Variants in IL1RL2 observed in about 807,000 individuals in gnomAD.
IL1RL2 encodes the protein interleukin-1 receptor-like 2.
Under a neutral mutation model 66.8 loss-of-function variants are expected in IL1RL2, and 68 were observed. The ratio of observed to expected loss-of-function variants is 1.02; its 90% CI spans 0.84 to 1.25. The LOEUF (loss-of-function observed/expected upper bound fraction) is 1.25, where lower values mean the gene tolerates loss of function less well. Ranked by LOEUF, IL1RL2 falls within the 50% of genes most tolerant of loss-of-function variation. IL1RL2 has a pLI of 0.00. For synonymous variants in IL1RL2, 305 were observed against 264.6 expected, an observed-to-expected ratio of 1.15 and a Z score of -1.48; for missense variants, 729 against 709.3, an observed-to-expected ratio of 1.03 and a Z score of -0.32.
At chr2:102,195,900 A>G (rs1687743924) in intron 4 of IL1RL2, among the ~76,000 whole-genome samples, 1 of 151,472 alleles carries the variant, frequency 6.6e-6, no homozygotes, top group South Asian at 2.1e-4. Flanking sequence ...TTTTTACTAG[A>G]GACAGGATTT....
rs756047853 is a variant in IL1RL2, at chr2:102,187,945, C to T, written c.58+20C>T. 1.2e-6 allele frequency: 2 copies of T among 1,611,550 alleles called. No individual in the cohort carries two copies. The highest frequency in any genetic ancestry group is 3.3e-5 in the Admixed American group (2 of 60,024). On this transcript the variant is annotated intron_variant, in intron 2 of 11. Coordinates refer to ENST00000264257, the MANE Select transcript of IL1RL2 (RefSeq NM_003854.4). ...CAGCAGGTACGTTCCGTGTGTCCTC[C>T]GTTCCCAGAGGCTGCCCGAGTCCAC...
intron 4 of IL1RL2, among the ~76,000 whole-genome samples, chr2:102,195,622 TTTCTTTCTCTCTCTCTCTCTCTC>T (rs1687666370): frequency 1.3e-4 from 2 of 15,942 alleles, no homozygotes; most frequent in Admixed American, 5.6e-4. Context: ...TCTTTCTTTC[TTTCTTTCTCTCTCTCTCTCTCTC>T]TCTTTCTTTC....
At chr2:102,201,838 G>A in intron 5 of IL1RL2, 123 bp downstream of exon 5, 1 of 877,522 alleles carries the variant, frequency 1.1e-6, no homozygotes, top group Non-Finnish European at 1.7e-6. Flanking sequence ...CTGAAGGCTA[G>A]TAGGCTCTCA....
At chr2:102,232,656 G>A (rs567879706) in intron 9 of IL1RL2, among the ~76,000 whole-genome samples, 11 of 152,270 alleles carry the variant, frequency 7.2e-5, no homozygotes, top group East Asian at 3.9e-4. Flanking sequence ...CACATCACAG[G>A]GAGTGGTGGA....
At chr2:102,204,328 G>A (rs1688521136) in intron 5 of IL1RL2, among the ~76,000 whole-genome samples, 2 of 152,112 alleles carry the variant, frequency 1.3e-5, no homozygotes, top group Admixed American at 6.5e-5. Context: ...AATGATCCAT[G>A]TGCTAAGGAA....
chr2:102,226,172 C>A, intron 9 of IL1RL2, 131 bp downstream of exon 9: 1 of 659,696 alleles, frequency 1.5e-6, no homozygotes, highest in Non-Finnish European at 2.4e-6. Context: ...CTCCTTGGAA[C>A]TGCCTGTGCT....
At chr2:102,219,627 G>GGAAAGGCC (rs1689921006) in intron 7 of IL1RL2, among the ~76,000 whole-genome samples, 1 of 152,136 alleles carries the variant, frequency 6.6e-6, no homozygotes, top group Non-Finnish European at 1.5e-5. Flanking sequence ...GAGGAATAGG[G>GGAAAGGCC]GAAAGGCCTT....
intron 10 of IL1RL2, among the ~76,000 whole-genome samples, chr2:102,233,725 T>C (rs1160119364): frequency 1.3e-5 from 2 of 152,138 alleles, no homozygotes; most frequent in African/African-American, 4.8e-5. Context: ...ATGAGAGAAC[T>C]GAATGAGAAA....
chr2:102,195,637 CTCTCTCTCTCTTTCTTTCTTTCTT>C (rs1687683272), intron 4 of IL1RL2, among the ~76,000 whole-genome samples: 6 of 30,354 alleles, frequency 2.0e-4, no homozygotes, highest in African/African-American at 4.9e-4. Flanking sequence ...TTCTCTCTCT[CTCTCTCTCTCTTTCTTTCTTTCTT>C]TCTTTCTTTC....
In IL1RL2 at chr2:102,201,740, C is replaced by T. The variant is rs369721985; in HGVS notation, c.649+25C>T. On this transcript the variant is annotated intron_variant, in intron 5 of 11. Coordinates refer to ENST00000264257, the MANE Select transcript of IL1RL2 (RefSeq NM_003854.4). ...AGTAAGTATGCTCATGTATGCCTGT[C>T]GCCTTGTATTCTCTTGGCTTTGTGT... The T allele has an allele frequency of 9.2e-5, 148 of 1,603,966 alleles. 2 individuals carry two copies. The South Asian group carries it at 1.2e-3, about 13-fold the overall frequency.
At chr2:102,211,181 G>T (rs1689138503) in intron 5 of IL1RL2, among the ~76,000 whole-genome samples, 1 of 152,068 alleles carries the variant, frequency 6.6e-6, no homozygotes, top group African/African-American at 2.4e-5. Flanking sequence ...CATCATAAAA[G>T]ATATGTATTT....
chr2:102,210,020 G>A (rs1275843860), intron 5 of IL1RL2, among the ~76,000 whole-genome samples: 1 of 149,546 alleles, frequency 6.7e-6, no homozygotes, highest in African/African-American at 2.4e-5. Context: ...CTAATAAGAT[G>A]TGTAATTATA....
chr2:102,199,654 T>C (rs1688069213), intron 4 of IL1RL2, among the ~76,000 whole-genome samples: 1 of 152,210 alleles, frequency 6.6e-6, no homozygotes, highest in Non-Finnish European at 1.5e-5. Flanking sequence ...GTCTAAGTTA[T>C]AGCAAAGCGA....
At chr2:102,228,671 TAG>T (rs3836111) in intron 9 of IL1RL2, among the ~76,000 whole-genome samples, 29,547 of 152,080 alleles carry the variant, frequency 0.19, 3,524 homozygotes, top group Admixed American at 0.31. Flanking sequence ...GCCAAACAGT[TAG>T]AGTGATCAAA....
intron 1 of IL1RL2, chr2:102,187,391 G>A: frequency 8.7e-7 from 1 of 1,146,998 alleles, no homozygotes; most frequent in East Asian, 6.3e-5. Flanking sequence ...TGGGGTTTCT[G>A]TTTAGACCGC....
At chr2:102,225,598 G>A (rs1221524092) in intron 8 of IL1RL2, among the ~76,000 whole-genome samples, 4 of 152,162 alleles carry the variant, frequency 2.6e-5, no homozygotes, top group Non-Finnish European at 5.9e-5. Flanking sequence ...TTTGAAAGCA[G>A]TTCTCGTCCA....
chr2:102,210,855 G>A (rs2104797889), intron 5 of IL1RL2, among the ~76,000 whole-genome samples: 1 of 152,312 alleles, frequency 6.6e-6, no homozygotes, highest in East Asian at 1.9e-4. Context: ...AAGGACTGGA[G>A]ACATGACCTT....
intron 8 of IL1RL2, among the ~76,000 whole-genome samples, chr2:102,223,423 A>T (rs532026812): frequency 2.6e-5 from 4 of 152,288 alleles, no homozygotes; most frequent in Non-Finnish European, 4.4e-5. Flanking sequence ...TCACCATCTC[A>T]GTTGAAGGCT....
At chr2:102,209,728 T>C (rs1480290049) in intron 5 of IL1RL2, among the ~76,000 whole-genome samples, 1 of 152,096 alleles carries the variant, frequency 6.6e-6, no homozygotes, top group Non-Finnish European at 1.5e-5. Context: ...GAGACATCAG[T>C]ATTGAGATGA....
Sources: allele counts gnomAD v4.1 joint callset (sites outside exome capture counted in the v4.1 genomes callset), GRCh38; gene constraint gnomAD v4.1.1; transcripts MANE v1.5; gene names NCBI Gene and HGNC (gene_info 2026-07-23, HGNC 2026-07-21).